The following ZRANB3 variants were observed in gnomAD, a reference collection of about 807,000 sequenced individuals.
ZRANB3 encodes zinc finger RANBP2-type containing 3.
In ZRANB3, 125 loss-of-function variants were observed where a neutral mutation model predicts 133.8. The ratio of observed to expected loss-of-function variants is 0.93; its 90% CI spans 0.81 to 1.08. The LOEUF is 1.08. Ranked by LOEUF, ZRANB3 falls within the 50% of genes least tolerant of loss-of-function variation. ZRANB3 has a pLI of 0.00. For missense variants in ZRANB3, 1,229 were observed against 1,275.5 expected, an observed-to-expected ratio of 0.96 and a Z score of 0.56; for synonymous variants, 387 against 432.7, an observed-to-expected ratio of 0.89 and a Z score of 1.31.
At chr2:135,500,756 TAAA>T (rs760594100) in intron 2 of ZRANB3, among the ~76,000 whole-genome samples, 4 of 73,656 alleles carry the variant, frequency 5.4e-5, no homozygotes, top group Admixed American at 1.6e-4. Context: ...TACATATCAG[TAAA>T]AAAAAAAAAA....
At position 135,474,411 on chromosome 2, in the gene ZRANB3, T is replaced by C. The variant is rs560019928; in HGVS notation, c.161+29918A>G. On this transcript the variant is annotated intron_variant, in intron 2 of 20. Coordinates refer to ENST00000264159, the MANE Select transcript of ZRANB3 (RefSeq NM_032143.4). The stretch of plus-strand genomic sequence containing the variant: ...CTTATTAAAATGTGATCCCCAATGG[T>C]GGAGGTAGGGTATCGTGGGAGGAAT... Among the ~76,000 whole-genome samples, 4 of 152,248 alleles carry C rather than the reference T, an allele frequency of 2.6e-5. No individual in the cohort carries two copies. The East Asian group carries it at 7.7e-4, about 29-fold the overall frequency.
intron 3 of ZRANB3, among the ~76,000 whole-genome samples, chr2:135,375,074 G>A (rs1010305829): frequency 1.3e-4 from 20 of 152,100 alleles, no homozygotes; most frequent in African/African-American, 3.9e-4. Context: ...CAGAGCAAGC[G>A]GAACTCTCTT....
At chr2:135,415,689 A>G (rs1688535802) in intron 2 of ZRANB3, among the ~76,000 whole-genome samples, 1 of 152,222 alleles carries the variant, frequency 6.6e-6, no homozygotes, top group South Asian at 2.1e-4. Flanking sequence ...CTTGATGAAC[A>G]TTGATGCAAG....
At chr2:135,496,526 C>T (rs999756356) in intron 2 of ZRANB3, among the ~76,000 whole-genome samples, 1 of 151,412 alleles carries the variant, frequency 6.6e-6, no homozygotes, top group Non-Finnish European at 1.5e-5. Flanking sequence ...CTCTAAAGGA[C>T]CTCAAATATG....
At chr2:135,354,581 AGTACTATTCG>A (rs1360697943) in intron 3 of ZRANB3, among the ~76,000 whole-genome samples, 2 of 152,248 alleles carry the variant, frequency 1.3e-5, no homozygotes, top group African/African-American at 4.8e-5. Flanking sequence ...CATACAATGG[AGTACTATTCG>A]GTAATAAAAA....
chr2:135,249,435 G>A (rs1369238865), intron 12 of ZRANB3, among the ~76,000 whole-genome samples: 2 of 152,194 alleles, frequency 1.3e-5, no homozygotes, highest in South Asian at 2.1e-4. Flanking sequence ...ATGATATAAC[G>A]TCTTTTGTGG....
chr2:135,210,320 C>CATTTTATTTT (rs10630129), intron 17 of ZRANB3, among the ~76,000 whole-genome samples: 315 of 151,674 alleles, frequency 2.1e-3, no homozygotes, highest in African/African-American at 6.9e-3. Context: ...CTGATTAATT[C>CATTTTATTTT]ATTTTATTTT....
intron 12 of ZRANB3, among the ~76,000 whole-genome samples, chr2:135,253,084 G>C (rs1479813584): frequency 6.6e-6 from 1 of 152,188 alleles, no homozygotes; most frequent in Non-Finnish European, 1.5e-5. Flanking sequence ...AAAGGAACTG[G>C]CTTTATTAGT....
At chr2:135,402,844 C>T (rs1477958703) in intron 2 of ZRANB3, among the ~76,000 whole-genome samples, 1 of 152,152 alleles carries the variant, frequency 6.6e-6, no homozygotes, top group Non-Finnish European at 1.5e-5. Context: ...CCTCAGCCTA[C>T]CAAAGTGCGA....
chr2:135,217,526 T>C lies in ZRANB3; in HGVS notation c.2434A>G (p.Ser812Gly). 6.2e-7 allele frequency: 1 copy of C among 1,613,810 alleles called. No individual in the cohort carries two copies. The highest frequency in any genetic ancestry group is 8.5e-7 in the Non-Finnish European group (1 of 1,179,828). ...ATCTCTTCCAAAGCAAGAATTGGGCTACAGAATAGCTGTCCACTTTTCCTG... is the reference window on the plus strand; with the variant it reads ...ATCTCTTCCAAAGCAAGAATTGGGCCACAGAATAGCTGTCCACTTTTCCTG... ...IIRKSGQLFC[S>G]PILALEEITK... Residue 812 changes from serine to glycine, a missense_variant, in exon 17 of 21, where the codon AGC becomes GGC. Transcript: ENST00000264159.
At chr2:135,455,589 CTT>C (rs929421233) in intron 2 of ZRANB3, among the ~76,000 whole-genome samples, 2 of 126,470 alleles carry the variant, frequency 1.6e-5, no homozygotes, top group Non-Finnish European at 3.4e-5. Context: ...TGATTTTTTT[CTT>C]TTTTTTTTTT....
chr2:135,493,222 T>C (rs1443000425), intron 2 of ZRANB3, among the ~76,000 whole-genome samples: 1 of 139,680 alleles, frequency 7.2e-6, no homozygotes, highest in East Asian at 2.1e-4. Context: ...CAGAAGACGA[T>C]TTTGTAATCT....
intron 2 of ZRANB3, among the ~76,000 whole-genome samples, chr2:135,501,490 A>G (rs750098860): frequency 2.6e-5 from 4 of 152,182 alleles, no homozygotes; most frequent in Non-Finnish European, 4.4e-5. Flanking sequence ...TACCTCATCT[A>G]AGATAATCAA....
intron 2 of ZRANB3, among the ~76,000 whole-genome samples, chr2:135,395,249 A>G (rs1424512180): frequency 6.6e-6 from 1 of 152,020 alleles, no homozygotes; most frequent in Admixed American, 6.6e-5. Context: ...ACACTGGGAG[A>G]AAGGGCAGTC....
At chr2:135,516,467 G>T (rs1693703394) in intron 1 of ZRANB3, among the ~76,000 whole-genome samples, 1 of 152,158 alleles carries the variant, frequency 6.6e-6, no homozygotes, top group Non-Finnish European at 1.5e-5. Flanking sequence ...GCCTGGTGGT[G>T]AGAAAATCTC....
Position 135,231,032 on chromosome 2 carries a change from C to T in ZRANB3, c.1540-105G>A, listed in dbSNP as rs1037987798. Reference sequence around the variant, plus strand: ...TTTTAATTAACCATATTGCCTTATCCTTTAAATACCTTTTGGAAATGAATT... The same window carrying T: ...TTTTAATTAACCATATTGCCTTATCTTTTAAATACCTTTTGGAAATGAATT... On this transcript the variant is annotated intron_variant, in intron 12 of 20. Transcript: ENST00000264159. 8.1e-6 allele frequency: 8 copies of T among 991,186 alleles called. No homozygotes were observed. In the Admixed American group the frequency reaches 2.9e-4, roughly 36 times the overall value. 61.4% of individuals were successfully genotyped at this position (991,186 alleles called of 1,614,324 possible).
rs1307929217 is a variant in ZRANB3 at position 135,451,781 on chromosome 2, G to A, written c.161+52548C>T. Among the ~76,000 whole-genome samples, 4 of 152,164 alleles carry A rather than the reference G, an allele frequency of 2.6e-5. No individual in the cohort carries two copies. In the East Asian group the frequency reaches 7.7e-4, roughly 29 times the overall value. On this transcript the variant is annotated intron_variant, in intron 2 of 20. Transcript: ENST00000264159. ...TGTTACTAATTACAGCATTCCATAT[G>A]TAGAAGAAGCTAGAGAAAATGACTT...
At chr2:135,489,325 G>T (rs1012710676) in intron 2 of ZRANB3, among the ~76,000 whole-genome samples, 1 of 106,008 alleles carries the variant, frequency 9.4e-6, no homozygotes, top group African/African-American at 3.6e-5. Context: ...GGGGGAGGGG[G>T]GAGGGATAGC....
At chr2:135,351,840 A>C (rs1685222030) in intron 4 of ZRANB3, among the ~76,000 whole-genome samples, 1 of 152,188 alleles carries the variant, frequency 6.6e-6, no homozygotes, top group Non-Finnish European at 1.5e-5. Flanking sequence ...TTCTGTCCTT[A>C]ACTAACATCC....
Sources: allele counts gnomAD v4.1 joint callset (sites outside exome capture counted in the v4.1 genomes callset), GRCh38; gene constraint gnomAD v4.1.1; transcripts MANE v1.5; gene names NCBI Gene and HGNC (gene_info 2026-07-23, HGNC 2026-07-21).